Variants in MYL6B observed in about 807,000 individuals in gnomAD.
The protein encoded by MYL6B is myosin alkali light chain 1 slow a.
In MYL6B, 19 loss-of-function variants were observed where a neutral mutation model predicts 24.5. The observed-to-expected ratio is 0.78, with a 90% CI of 0.54 to 1.14. The LOEUF (loss-of-function observed/expected upper bound fraction) is 1.14, where lower values mean the gene tolerates loss of function less well. MYL6B is among the 50% of genes most tolerant of loss of function. MYL6B has a pLI of 0.00. For synonymous variants in MYL6B, 90 were observed against 100.7 expected (o/e 0.89, Z 0.64); for missense variants, 230 against 263.8 (o/e 0.87, Z 0.89).
At chr12:56,155,001 G>A (rs1288614775) in intron 3 of MYL6B, 54 bp from the exon 4 acceptor site, 1 of 1,570,800 alleles carries the variant, frequency 6.4e-7, no homozygotes, top group African/African-American at 1.4e-5. Flanking sequence ...CCTTCTGTCT[G>A]GGGGTGATGG....
At chr12:56,155,032 A>G in intron 3 of MYL6B, 23 bp from the exon 4 acceptor site, 1 of 1,601,684 alleles carries the variant, frequency 6.2e-7, no homozygotes, top group Non-Finnish European at 8.5e-7. Flanking sequence ...CAGTGTCTAC[A>G]CTGACCCTTC....
chr12:56,153,952 C>A, exon 2 of MYL6B: 3 of 1,613,782 alleles, frequency 1.9e-6, no homozygotes, highest in Non-Finnish European at 1.7e-6. Context: ...CGTGAAGAAA[C>A]CAGCAGGGCC....
In MYL6B at chr12:56,155,052, T is replaced by C. The variant is rs755179915; in HGVS notation, c.203-3T>C. ...TCTACACTGACCCTTCCTTATACTT[T>C]AGAGTTCAAGGAGGCCTTCGAGCTG... On this transcript the variant is annotated splice_region_variant and splice_polypyrimidine_tract_variant and intron_variant, in intron 3 of 6. Transcript: ENST00000553066. 1 of 1,608,772 alleles carries C rather than the reference T, an allele frequency of 6.2e-7. No individual in the cohort carries two copies. Among genetic ancestry groups the C allele is most frequent in the Non-Finnish European group, 8.5e-7 (1 of 1,177,566 alleles).
exon 2 of MYL6B, chr12:56,153,907 C>T (rs1350154048): frequency 1.9e-6 from 3 of 1,605,910 alleles, no homozygotes; most frequent in Non-Finnish European, 8.5e-7. Flanking sequence ...TGTCCTTTGG[C>T]CACCGGACAT....
rs1021816849 is a variant in MYL6B, at chr12:56,157,843, C to T, written c.*117C>T. ...TTCATTCTGCTGTCCGGTTGCTGCA[C>T]GGGCTCCAGCGCTTCGCAACTTTGG... On this transcript the variant is annotated 3_prime_UTR_variant, in exon 7 of 7. Coordinates refer to ENST00000553066, the Ensembl canonical transcript of MYL6B. The T allele has an allele frequency of 1.3e-5, 16 of 1,274,354 alleles. No individual in the cohort carries two copies. The South Asian group carries it at 1.7e-4, about 14-fold the overall frequency. The allele number at this position is 1,274,354 out of a possible 1,614,324, so 78.9% of individuals were successfully genotyped here.
At chr12:56,153,891 G>C (rs763794187) in exon 2 of MYL6B, 1 of 1,584,148 alleles carries the variant, frequency 6.3e-7, no homozygotes, top group Non-Finnish European at 8.6e-7. Context: ...GCCCCCATCC[G>C]CACACTGTCC....
At chr12:56,154,217 C>T in intron 2 of MYL6B, 125 bp downstream of exon 2, 1 of 942,984 alleles carries the variant, frequency 1.1e-6, no homozygotes, top group South Asian at 1.9e-5. Flanking sequence ...TTGGGGCTTT[C>T]CCTTAGTCCC....
intron 1 of MYL6B, chr12:56,153,513 C>A: frequency 1.0e-6 from 1 of 981,730 alleles, no homozygotes; most frequent in South Asian, 4.7e-5. Context: ...GGCTGCTACC[C>A]CTCACCCCAC....
chr12:56,156,659 C>T (rs1871320121), intron 5 of MYL6B, among the ~76,000 whole-genome samples: 1 of 151,930 alleles, frequency 6.6e-6, no homozygotes, highest in African/African-American at 2.4e-5. Context: ...TCCTGTAATC[C>T]TAGCACTTTG....
At chr12:56,156,604 A>C (rs1246032180) in intron 5 of MYL6B, among the ~76,000 whole-genome samples, 3 of 145,050 alleles carry the variant, frequency 2.1e-5, no homozygotes, top group Admixed American at 6.7e-5. Context: ...GACTCAGTTT[A>C]AAAAAAAGCA....
In MYL6B at chr12:56,156,559, C is replaced by T. The variant is rs542960992; in HGVS notation, c.521-909C>T. Among the ~76,000 whole-genome samples the T allele has an allele frequency of 4.6e-5, 7 of 151,876 alleles. No individual in the cohort carries two copies. In the South Asian group the frequency reaches 6.2e-4, roughly 14 times the overall value. On this transcript the variant is annotated intron_variant, in intron 5 of 6. Coordinates refer to ENST00000553066, the Ensembl canonical transcript of MYL6B. ...GGTGGAGGTTGCGGTGAGCCGAGAC[C>T]GTGCCACTGTACTCCAGCCTGGGTG... is the stretch of plus-strand genomic sequence containing the variant.
chr12:56,153,313 C>T (rs1447350846), intron 1 of MYL6B: 2 of 443,244 alleles, frequency 4.5e-6, no homozygotes, highest in African/African-American at 4.3e-5. Flanking sequence ...GTGAATAGTT[C>T]CAGTTCTTGG....
At chr12:56,157,439 G>A (rs1342039252) in intron 5 of MYL6B, 29 bp from the exon 6 acceptor site, 1 of 1,608,096 alleles carries the variant, frequency 6.2e-7, no homozygotes, top group Non-Finnish European at 8.5e-7. Context: ...AGGGAAAGGA[G>A]GGCCTCAGAC....
chr12:56,157,830 T>C (rs1871401204), exon 7 of MYL6B: 2 of 1,405,582 alleles, frequency 1.4e-6, no homozygotes, highest in Admixed American at 3.8e-5. Flanking sequence ...CATTCTGCTG[T>C]CCGGTTGCTG....
intron 5 of MYL6B, 46 bp from the exon 6 acceptor site, chr12:56,157,422 G>A (rs754737652): frequency 2.5e-6 from 4 of 1,577,408 alleles, no homozygotes; most frequent in Non-Finnish European, 3.5e-6. Flanking sequence ...GCCTGGGTGA[G>A]TGAAGGAGGG....
At chr12:56,155,886 AT>A (rs1158548827) in intron 5 of MYL6B, 2 of 1,284,510 alleles carry the variant, frequency 1.6e-6, no homozygotes, top group African/African-American at 1.5e-5. Flanking sequence ...ACCTCCTGGG[AT>A]TGTTTCCTTG....
intron 1 of MYL6B, among the ~76,000 whole-genome samples, chr12:56,152,953 G>A (rs972011881): frequency 1.3e-5 from 2 of 151,978 alleles, no homozygotes; most frequent in South Asian, 4.1e-4. Flanking sequence ...GGCAAGGTTT[G>A]TGACCTGGCC....
At chr12:56,157,256 C>T (rs1871357147) in intron 5 of MYL6B, 1 of 515,586 alleles carries the variant, frequency 1.9e-6, no homozygotes, top group Non-Finnish European at 3.5e-6. Context: ...ATTAGCCGGG[C>T]GCCTGTAATC....
At chr12:56,155,534 CAAG>C (rs1871275370) in exon 5 of MYL6B, 1 of 1,613,752 alleles carries the variant, frequency 6.2e-7, no homozygotes, top group Non-Finnish European at 8.5e-7. Flanking sequence ...GTGTGTTTGA[CAAG>C]GAGGGGAACG....
Sources: allele counts gnomAD v4.1 joint callset (sites outside exome capture counted in the v4.1 genomes callset), GRCh38; gene constraint gnomAD v4.1.1; transcripts MANE v1.5; gene names NCBI Gene and HGNC (gene_info 2026-07-23, HGNC 2026-07-21).